MAP2K1: variants seen among roughly 807,000 people sequenced by gnomAD.
MAP2K1 encodes the protein dual specificity mitogen-activated protein kinase kinase 1.
Under a neutral mutation model 46.3 loss-of-function variants are expected in MAP2K1, and 16 were observed. The ratio of observed to expected loss-of-function variants is 0.35; its 90% CI spans 0.23 to 0.52. MAP2K1 has a LOEUF of 0.52. Among genes scored for constraint, MAP2K1 ranks in the 20% least tolerant of loss-of-function variants. The pLI is 0.94. For synonymous variants in MAP2K1, 183 were observed against 185.6 expected, an observed-to-expected ratio of 0.99 and a Z score of 0.11; for missense variants, 263 against 497.1, an observed-to-expected ratio of 0.53 and a Z score of 4.48.
rs573326843 is a variant in MAP2K1 at position 66,387,024 on chromosome 15, C to G, written c.-324C>G. ...GCGCGCGCGGCTGTGCCGCCCGAGC[C>G]GGAGGGACTGGTTGGTTGAGAGAGA... On this transcript the variant is annotated 5_prime_UTR_variant, in exon 1 of 11. Coordinates refer to ENST00000307102, the MANE Select transcript of MAP2K1 (RefSeq NM_002755.4). 3 of 316,634 alleles carry G rather than the reference C, an allele frequency of 9.5e-6. No individual in the cohort carries two copies. The highest frequency in any genetic ancestry group is 2.2e-4 in the South Asian group (2 of 9,050). The allele number at this position is 316,634 out of a possible 1,614,324, so 19.6% of individuals were successfully genotyped here. A position where few individuals can be genotyped will look rare whatever the true frequency, so the allele number is the denominator to read the frequency against.
At chr15:66,401,926 C>T (rs1179721090) in intron 1 of MAP2K1, 13 of 1,300,774 alleles carry the variant, frequency 1.0e-5, no homozygotes, top group Admixed American at 2.2e-5. Context: ...CGGTTCGGGT[C>T]GAAGGAAATG....
chr15:66,464,950 C>T (rs1892424676), intron 5 of MAP2K1, among the ~76,000 whole-genome samples: 1 of 151,774 alleles, frequency 6.6e-6, no homozygotes, highest in Admixed American at 6.6e-5. Context: ...TAGCCAGGCA[C>T]AGTGGCTCAC....
chr15:66,444,816 C>T, intron 5 of MAP2K1, 109 bp downstream of exon 5: 1 of 898,902 alleles, frequency 1.1e-6, no homozygotes, highest in East Asian at 2.4e-5. Context: ...CTTTTAATAA[C>T]ATGTTAAATC....
chr15:66,464,803 T>A (rs1352949386), intron 5 of MAP2K1, among the ~76,000 whole-genome samples: 3 of 151,748 alleles, frequency 2.0e-5, no homozygotes, highest in African/African-American at 7.3e-5. Flanking sequence ...GCTGGGATTA[T>A]AGGTGTGAGC....
intron 8 of MAP2K1, 74 bp downstream of exon 8, chr15:66,487,366 C>T (rs1340859276): frequency 3.7e-6 from 5 of 1,366,566 alleles, no homozygotes; most frequent in Non-Finnish European, 5.2e-6. Flanking sequence ...TGGCCGGGTG[C>T]AGTGGTTCAC....
At chr15:66,439,935 C>CAAA (rs36081187) in intron 3 of MAP2K1, among the ~76,000 whole-genome samples, 2 of 115,806 alleles carry the variant, frequency 1.7e-5, no homozygotes, top group Non-Finnish European at 1.8e-5. Context: ...AACTCCATCT[C>CAAA]AAAAAAAAAA....
intron 3 of MAP2K1, among the ~76,000 whole-genome samples, chr15:66,443,066 G>T (rs1439753422): frequency 7.0e-6 from 1 of 142,024 alleles, no homozygotes; most frequent in Non-Finnish European, 1.5e-5. Flanking sequence ...GCCTTCTGGG[G>T]TTTTTTTGTG....
intron 7 of MAP2K1, 65 bp from the exon 8 acceptor site, chr15:66,487,163 C>T: frequency 7.2e-7 from 1 of 1,386,500 alleles, no homozygotes; most frequent in Admixed American, 1.7e-5. Context: ...ATGCCCAACC[C>T]CTTGCCTCAT....
chr15:66,454,883 G>GA lies in MAP2K1; in HGVS notation c.568+10187dup, dbSNP rs371994924. On this transcript the variant is annotated intron_variant, in intron 5 of 10. Transcript: ENST00000307102. Reference sequence around the variant, plus strand: ...AGGTGACAGAGTGAGACTCTGTCTCGAAAAAAAAAAACAAAAAAAGAAGGA... The same window carrying GA: ...AGGTGACAGAGTGAGACTCTGTCTCGAAAAAAAAAAAACAAAAAAAGAAGGA... Among the ~76,000 whole-genome samples, 449 of 139,814 alleles carry GA rather than the reference G, an allele frequency of 3.2e-3. 2 individuals are homozygous for GA. The highest frequency in any genetic ancestry group is 0.015 in the East Asian group (74 of 4,786). 91.7% of individuals were successfully genotyped at this position (139,814 alleles called of 152,430 possible).
At chr15:66,457,292 G>A (rs8032412) in intron 5 of MAP2K1, among the ~76,000 whole-genome samples, 128,582 of 151,994 alleles carry the variant, frequency 0.85, 55,675 homozygotes, top group East Asian at 1. Context: ...TAATTTTTTT[G>A]TATTTCTAGT....
At chr15:66,418,261 G>A (rs957303718) in intron 1 of MAP2K1, among the ~76,000 whole-genome samples, 1 of 152,134 alleles carries the variant, frequency 6.6e-6, no homozygotes, top group African/African-American at 2.4e-5. Context: ...TAGCTGAAGA[G>A]TGAATTGGCC....
chr15:66,438,100 T>C (rs2093493522), intron 3 of MAP2K1, among the ~76,000 whole-genome samples: 1 of 151,738 alleles, frequency 6.6e-6, no homozygotes, highest in Non-Finnish European at 1.5e-5. Context: ...TTCTTTTTGT[T>C]TTTTTAGACA....
chr15:66,477,002 A>G (rs532476115), intron 5 of MAP2K1, among the ~76,000 whole-genome samples: 1 of 152,228 alleles, frequency 6.6e-6, no homozygotes, highest in Admixed American at 6.5e-5. Context: ...CAGTGATCTC[A>G]TGTGCCCAGG....
chr15:66,389,570 T>C (rs2093351809), intron 1 of MAP2K1, among the ~76,000 whole-genome samples: 1 of 120,438 alleles, frequency 8.3e-6, no homozygotes, highest in Non-Finnish European at 1.7e-5. Flanking sequence ...AGCTCTGTTG[T>C]GGTTTTTTTT....
chr15:66,404,550 T>C (rs2093391309), intron 1 of MAP2K1, among the ~76,000 whole-genome samples: 1 of 152,232 alleles, frequency 6.6e-6, no homozygotes, highest in Non-Finnish European at 1.5e-5. Flanking sequence ...ATTTCTTGTG[T>C]TCTAAATCAC....
intron 5 of MAP2K1, among the ~76,000 whole-genome samples, chr15:66,472,523 G>A (rs1312746305): frequency 6.6e-6 from 1 of 152,084 alleles, no homozygotes. Flanking sequence ...TGAGATCACC[G>A]TGGCCAGGTG....
At chr15:66,485,822 C>T (rs1347719156) in intron 7 of MAP2K1, among the ~76,000 whole-genome samples, 3 of 152,266 alleles carry the variant, frequency 2.0e-5, no homozygotes, top group East Asian at 3.9e-4. Flanking sequence ...TCAAGCAATC[C>T]TCCCGCCTCA....
intron 5 of MAP2K1, among the ~76,000 whole-genome samples, chr15:66,453,301 A>G (rs1394921068): frequency 6.6e-6 from 1 of 152,148 alleles, no homozygotes; most frequent in East Asian, 1.9e-4. Context: ...GCTCTTTGGC[A>G]TGAAGAGATG....
intron 1 of MAP2K1, among the ~76,000 whole-genome samples, chr15:66,401,017 G>A (rs8028776): frequency 0.98 from 149,879 of 152,326 alleles, 73,779 homozygotes; most frequent in East Asian, 1. Flanking sequence ...TTATTCCATT[G>A]TATATGTTTT....
Sources: allele counts gnomAD v4.1 joint callset (sites outside exome capture counted in the v4.1 genomes callset), GRCh38; gene constraint gnomAD v4.1.1; transcripts MANE v1.5; gene names NCBI Gene and HGNC (gene_info 2026-07-23, HGNC 2026-07-21).